The following PRTG variants were observed in gnomAD, a reference collection of about 807,000 sequenced individuals.
The protein encoded by PRTG is immunoglobulin superfamily, DCC subclass, member 5.
Under a neutral mutation model 122.5 loss-of-function variants are expected in PRTG, and 67 were observed. The ratio of observed to expected loss-of-function variants is 0.55; its 90% confidence interval spans 0.45 to 0.67. The LOEUF (loss-of-function observed/expected upper bound fraction) is 0.67. Among genes scored for constraint, PRTG ranks in the 30% least tolerant of loss-of-function variants. The pLI is 0.00. For synonymous variants in PRTG, 554 were observed against 501.1 expected, an observed-to-expected ratio of 1.11 and a Z score of -1.41; for missense variants, 1,435 against 1,415.4, an observed-to-expected ratio of 1.01 and a Z score of -0.22.
chr15:55,627,632 G>A (rs923998835), intron 16 of PRTG, among the ~76,000 whole-genome samples: 3 of 151,424 alleles, frequency 2.0e-5, no homozygotes, highest in South Asian at 2.1e-4. Flanking sequence ...GAGCCACCAC[G>A]CCCGGCCCAA....
In PRTG at chr15:55,629,385, G is replaced by T. The variant is rs908534500; in HGVS notation, c.2624-381C>A. Reference sequence around the variant, plus strand: ...TATATATATATATATATGTGTGTGTGTGTGTGTGTGTGTGTGTGTGTGTGT... The same window carrying T: ...TATATATATATATATATGTGTGTGTTTGTGTGTGTGTGTGTGTGTGTGTGT... On this transcript the variant is annotated intron_variant, in intron 15 of 19. Coordinates refer to ENST00000389286, the MANE Select transcript of PRTG (RefSeq NM_173814.6). Among the ~76,000 whole-genome samples the T allele has an allele frequency of 3.5e-5, 3 of 86,678 alleles. No individual in the cohort carries two copies. The East Asian group carries it at 6.8e-4, about 20-fold the overall frequency. 56.9% of individuals were successfully genotyped at this position (86,678 alleles called of 152,430 possible).
chr15:55,677,048 GA>G (rs1386737821), intron 8 of PRTG, among the ~76,000 whole-genome samples: 1 of 152,096 alleles, frequency 6.6e-6, no homozygotes, highest in Admixed American at 6.6e-5. Context: ...TTGAAGTATA[GA>G]ACTGAAATTT....
intron 11 of PRTG, among the ~76,000 whole-genome samples, chr15:55,648,642 T>C (rs1301236269): frequency 6.6e-6 from 1 of 152,232 alleles, no homozygotes; most frequent in Non-Finnish European, 1.5e-5. Flanking sequence ...TGAATTCTAG[T>C]ATCTGAGTAT....
chr15:55,672,754 T>C (rs926636483), intron 10 of PRTG, 121 bp from the exon 11 acceptor site: 7 of 620,712 alleles, frequency 1.1e-5, no homozygotes, highest in East Asian at 2.9e-5. Context: ...CCAAAAATTA[T>C]ACTATAACCT....
chr15:55,648,453 C>T (rs920064440), intron 11 of PRTG, among the ~76,000 whole-genome samples: 4 of 152,070 alleles, frequency 2.6e-5, no homozygotes, highest in African/African-American at 9.7e-5. Flanking sequence ...CCTTAAGTAA[C>T]CTACACTGAA....
intron 4 of PRTG, 29 bp downstream of exon 4, chr15:55,682,335 A>G (rs762732396): frequency 1.6e-5 from 25 of 1,534,228 alleles, no homozygotes; most frequent in Non-Finnish European, 5.3e-6. Flanking sequence ...AAAACGTCAT[A>G]AAAATGGAAA....
Position 55,612,325 on chromosome 15 carries a change from T to C in PRTG, c.*7687A>G, listed in dbSNP as rs2059123833. The C allele has an allele frequency of 6.6e-6, 1 of 152,082 alleles. No homozygotes were observed. Among genetic ancestry groups the C allele is most frequent in the Non-Finnish European group, 1.5e-5 (1 of 67,946 alleles). 9.4% of individuals were successfully genotyped at this position (152,082 alleles called of 1,614,324 possible). A position where few individuals can be genotyped will look rare whatever the true frequency, so the allele number is the denominator to read the frequency against. ...ATAAACTTCTGTAACATAAATTTTT[T>C]TTCAGTTGTAAGTCAAGACTATGTC... On this transcript the variant is annotated 3_prime_UTR_variant, in exon 20 of 20. Transcript: ENST00000389286.
rs1409295461 is a variant in PRTG, at chr15:55,628,941, G to A, written c.2687C>T (p.Ser896Phe). Residue 896 changes from serine (S) to phenylalanine (F), a missense_variant, in exon 16 of 20, where the codon TCT becomes TTT. By Grantham distance (155) the Ser-to-Phe change is radical (BLOSUM62 -2). Coordinates refer to ENST00000389286, the MANE Select transcript of PRTG (RefSeq NM_173814.6). ...VAGNVYIVKI[S>F]ASNEVGEGPF... The stretch of plus-strand genomic sequence containing the variant: ...TCCTTCTCCCACCTCATTGGATGCA[G>A]ATATCTTGACAATGTACACATTTCC... 1 of 1,613,960 alleles carries A rather than the reference G, an allele frequency of 6.2e-7. No homozygotes were observed. The highest frequency in any genetic ancestry group is 8.5e-7 in the Non-Finnish European group (1 of 1,179,894).
intron 15 of PRTG, among the ~76,000 whole-genome samples, chr15:55,629,699 G>T (rs943690613): frequency 1.3e-5 from 2 of 151,934 alleles, no homozygotes; most frequent in Non-Finnish European, 2.9e-5. Context: ...TCCAATGCAA[G>T]AATCTTTTTT....
intron 18 of PRTG, 101 bp from the exon 19 acceptor site, chr15:55,620,868 T>C (rs1458709301): frequency 1.0e-6 from 1 of 982,032 alleles, no homozygotes; most frequent in Non-Finnish European, 1.5e-6. Flanking sequence ...TGCTTCACAT[T>C]TCCCTTTTCA....
chr15:55,643,854 A>G (rs2059305939), intron 11 of PRTG, among the ~76,000 whole-genome samples: 1 of 151,530 alleles, frequency 6.6e-6, no homozygotes, highest in South Asian at 2.1e-4. Context: ...TTTGTCTCCT[A>G]ATAATAATGA....
At chr15:55,678,770 G>T (rs2141808649) in intron 7 of PRTG, among the ~76,000 whole-genome samples, 1 of 152,100 alleles carries the variant, frequency 6.6e-6, no homozygotes, top group African/African-American at 2.4e-5. Flanking sequence ...CTAATTTACA[G>T]AATATTATAG....
At chr15:55,730,585 G>A (rs980838233) in intron 2 of PRTG, among the ~76,000 whole-genome samples, 6 of 152,150 alleles carry the variant, frequency 3.9e-5, no homozygotes, top group East Asian at 3.9e-4. Flanking sequence ...CGGATCACAC[G>A]GTCAGGATAT....
Position 55,620,785 on chromosome 15 carries a change from G to A in PRTG, c.3094-18C>T. On this transcript the variant is annotated intron_variant, in intron 18 of 19. Transcript: ENST00000389286. ...GTTCCTCCCTGAGGAAATAAAAGAG[G>A]GGAAATGTAAAATATCCTGGTATCA... The A allele has an allele frequency of 6.4e-7, 1 of 1,568,782 alleles. No homozygotes were observed. The highest frequency in any genetic ancestry group is 8.6e-7 in the Non-Finnish European group (1 of 1,160,152).
intron 2 of PRTG, among the ~76,000 whole-genome samples, chr15:55,694,294 T>C (rs1416924949): frequency 1.3e-5 from 2 of 152,228 alleles, no homozygotes; most frequent in Admixed American, 6.5e-5. Context: ...TATGCCGCTA[T>C]GGGGCACAGA....
chr15:55,652,736 C>A (rs1341597959), intron 11 of PRTG, among the ~76,000 whole-genome samples: 1 of 152,102 alleles, frequency 6.6e-6, no homozygotes, highest in Non-Finnish European at 1.5e-5. Flanking sequence ...AGCACAGTAA[C>A]AAAAACACAA....
chr15:55,729,991 A>G (rs2031172567), intron 2 of PRTG, among the ~76,000 whole-genome samples: 1 of 152,252 alleles, frequency 6.6e-6, no homozygotes. Flanking sequence ...TATTTTAAAA[A>G]TCACCTTATA....
intron 4 of PRTG, 34 bp downstream of exon 4, chr15:55,682,330 G>T (rs187242446): frequency 6.6e-7 from 1 of 1,512,260 alleles, no homozygotes; most frequent in Non-Finnish European, 8.9e-7. Context: ...CCAATAAAAC[G>T]TCATAAAAAT....
chr15:55,679,668 A>G (rs1425280251), intron 6 of PRTG: 5 of 469,416 alleles, frequency 1.1e-5, no homozygotes, highest in Admixed American at 7.4e-5. Flanking sequence ...ATATAGACAC[A>G]CTTAAAATAT....
Sources: allele counts gnomAD v4.1 joint callset (sites outside exome capture counted in the v4.1 genomes callset), GRCh38; gene constraint gnomAD v4.1.1; transcripts MANE v1.5; gene names NCBI Gene and HGNC (gene_info 2026-07-23, HGNC 2026-07-21).